Variants in CDKAL1 observed in about 807,000 individuals in gnomAD.
CDKAL1 encodes the protein threonylcarbamoyladenosine tRNA methylthiotransferase.
Under a neutral mutation model 68.2 loss-of-function variants are expected in CDKAL1, and 32 were observed. The observed-to-expected ratio is 0.47, with a 90% confidence interval of 0.35 to 0.63. The LOEUF is 0.63. CDKAL1 is among the 30% of genes least tolerant of loss of function. The pLI is 0.00. For missense variants in CDKAL1, 606 were observed against 696.7 expected (o/e 0.87, Z 1.47); for synonymous variants, 234 against 244.3 (o/e 0.96, Z 0.39).
intron 9 of CDKAL1, among the ~76,000 whole-genome samples, chr6:20,936,098 A>T (rs1207811600): frequency 1.3e-5 from 2 of 152,108 alleles, no homozygotes; most frequent in Non-Finnish European, 2.9e-5. Context: ...AACATAGAAT[A>T]ATTATTCTTT....
intron 11 of CDKAL1, among the ~76,000 whole-genome samples, chr6:21,027,642 C>T (rs1769034317): frequency 6.6e-6 from 1 of 152,222 alleles, no homozygotes; most frequent in Non-Finnish European, 1.5e-5. Flanking sequence ...CAAGTGCTCA[C>T]TTGTCCTTCT....
intron 13 of CDKAL1, among the ~76,000 whole-genome samples, chr6:21,165,974 G>A (rs761926888): frequency 1.2e-4 from 19 of 152,192 alleles, no homozygotes; most frequent in Non-Finnish European, 2.2e-4. Context: ...CTGACTACCT[G>A]TGTGACCTTC....
intron 9 of CDKAL1, among the ~76,000 whole-genome samples, chr6:20,939,807 G>A (rs1763887551): frequency 6.6e-6 from 1 of 152,100 alleles, no homozygotes; most frequent in African/African-American, 2.4e-5. Context: ...AAGAAAAGTT[G>A]TATAGATCAC....
chr6:21,143,686 C>T (rs1182331678), intron 13 of CDKAL1, among the ~76,000 whole-genome samples: 3 of 152,120 alleles, frequency 2.0e-5, no homozygotes, highest in Non-Finnish European at 2.9e-5. Flanking sequence ...CAACTATACC[C>T]TCTTATATAG....
chr6:20,860,738 T>G (rs1759571214), intron 9 of CDKAL1, among the ~76,000 whole-genome samples: 1 of 151,818 alleles, frequency 6.6e-6, no homozygotes, highest in Non-Finnish European at 1.5e-5. Flanking sequence ...GCAGGAGAAT[T>G]GCTTGAACCC....
intron 13 of CDKAL1, among the ~76,000 whole-genome samples, chr6:21,126,134 G>A (rs1178709098): frequency 1.3e-5 from 2 of 150,948 alleles, no homozygotes; most frequent in Non-Finnish European, 2.9e-5. Flanking sequence ...TTAAAATCAT[G>A]TGTGGACAGC....
chr6:20,921,274 C>T (rs1405084647), intron 9 of CDKAL1, among the ~76,000 whole-genome samples: 3 of 152,034 alleles, frequency 2.0e-5, no homozygotes, highest in African/African-American at 4.8e-5. Context: ...ACTAAAAATA[C>T]AAAAATTAGC....
intron 5 of CDKAL1, among the ~76,000 whole-genome samples, chr6:20,708,510 T>A (rs1279133630): frequency 2.0e-5 from 3 of 152,186 alleles, no homozygotes; most frequent in Non-Finnish European, 4.4e-5. Context: ...GGCAAGTCAC[T>A]TGTGGTTTAG....
At chr6:21,119,375 T>G (rs1774587676) in intron 13 of CDKAL1, among the ~76,000 whole-genome samples, 2 of 152,302 alleles carry the variant, frequency 1.3e-5, no homozygotes, top group Middle Eastern at 6.8e-3. Context: ...CACCACATGG[T>G]ATATGTTCAA....
intron 5 of CDKAL1, among the ~76,000 whole-genome samples, chr6:20,712,526 T>TGAAAA (rs1208510639): frequency 7.0e-6 from 1 of 143,300 alleles, no homozygotes; most frequent in African/African-American, 2.6e-5. Flanking sequence ...AGAAGTGAAA[T>TGAAAA]GAAAAGAAAA....
At chr6:20,574,287 C>G (rs983448712) in intron 4 of CDKAL1, among the ~76,000 whole-genome samples, 1 of 151,876 alleles carries the variant, frequency 6.6e-6, no homozygotes, top group Non-Finnish European at 1.5e-5. Flanking sequence ...AATTTGCTTC[C>G]TTTTATAATT....
At chr6:20,710,343 A>C (rs768819963) in intron 5 of CDKAL1, among the ~76,000 whole-genome samples, 1 of 152,178 alleles carries the variant, frequency 6.6e-6, no homozygotes, top group Non-Finnish European at 1.5e-5. Context: ...ACAAATACTT[A>C]GCTTTGTGTT....
chr6:20,953,387 C>G (rs1287025813), intron 9 of CDKAL1, among the ~76,000 whole-genome samples: 1 of 152,070 alleles, frequency 6.6e-6, no homozygotes, highest in African/African-American at 2.4e-5. Flanking sequence ...TAACATGGAA[C>G]CATTTGGATG....
intron 9 of CDKAL1, among the ~76,000 whole-genome samples, chr6:20,849,657 T>C (rs1480239651): frequency 6.6e-6 from 1 of 151,828 alleles, no homozygotes; most frequent in Non-Finnish European, 1.5e-5. Context: ...AAGAGAAGTC[T>C]AATTTTGGGT....
At chr6:21,108,503 C>G (rs747298765) in intron 13 of CDKAL1, 40 bp downstream of exon 13, 1 of 1,310,798 alleles carries the variant, frequency 7.6e-7, no homozygotes, top group Non-Finnish European at 1.1e-6. Context: ...GTATTAAAGT[C>G]TTTCCGAATG....
chr6:20,860,017 T>C (rs1759529237), intron 9 of CDKAL1, among the ~76,000 whole-genome samples: 1 of 152,168 alleles, frequency 6.6e-6, no homozygotes, highest in Non-Finnish European at 1.5e-5. Context: ...AAGGGAACAT[T>C]TTTTCTCTTA....
intron 11 of CDKAL1, among the ~76,000 whole-genome samples, chr6:21,055,734 G>C (rs1009704916): frequency 6.6e-6 from 1 of 152,134 alleles, no homozygotes; most frequent in Non-Finnish European, 1.5e-5. Flanking sequence ...GTATTCCATG[G>C]TGTATATGTA....
At chr6:21,154,442 A>G (rs544314526) in intron 13 of CDKAL1, among the ~76,000 whole-genome samples, 3 of 152,348 alleles carry the variant, frequency 2.0e-5, no homozygotes, top group African/African-American at 7.2e-5. Context: ...GTTTAACTCC[A>G]TATGTCATCA....
rs1392677743 is a variant in CDKAL1 at position 21,114,153 on chromosome 6, C to A, written c.1299+5690C>A. On this transcript the variant is annotated intron_variant, in intron 13 of 15. Transcript: ENST00000274695. ...GTCCCCGCTACTCGGGAGGCTGAGG[C>A]AGGAGAATGGCGTGAACCTGGGAGG... Among the ~76,000 whole-genome samples the A allele has an allele frequency of 3.4e-5, 5 of 149,144 alleles. No individual in the cohort carries two copies. In the East Asian group the frequency reaches 1.0e-3, roughly 30 times the overall value.
Sources: allele counts gnomAD v4.1 joint callset (sites outside exome capture counted in the v4.1 genomes callset), GRCh38; gene constraint gnomAD v4.1.1; transcripts MANE v1.5; gene names NCBI Gene and HGNC (gene_info 2026-07-23, HGNC 2026-07-21).